DNM1: variants seen among roughly 807,000 people sequenced by gnomAD.
DNM1 encodes the protein dynamin-1.
In DNM1, 29 loss-of-function variants were observed where a neutral mutation model predicts 104.6. That is an observed-to-expected ratio of 0.28 (90% CI 0.21 to 0.38). The LOEUF is 0.38. Ranked by LOEUF, DNM1 falls within the 10% of genes least tolerant of loss-of-function variation. The pLI, the probability that DNM1 is intolerant of heterozygous loss-of-function variation, is 1.00. For synonymous variants in DNM1, 445 were observed against 475.8 expected (o/e 0.94, Z 0.84); for missense variants, 640 against 1,189.4 (o/e 0.54, Z 6.79).
intron 11 of DNM1, chr9:128,234,894 G>A (rs991237814): frequency 6.6e-6 from 1 of 152,210 alleles, no homozygotes; most frequent in South Asian, 2.1e-4. Context: ...CGGAGTTCAA[G>A]CGATTCTCCT....
At chr9:128,215,917 C>T (rs2131137739) in intron 1 of DNM1, among the ~76,000 whole-genome samples, 1 of 143,066 alleles carries the variant, frequency 7.0e-6, no homozygotes, top group South Asian at 2.5e-4. Flanking sequence ...TCTATGAGAA[C>T]AGCTGTTCTA....
Position 128,220,742 on chromosome 9 carries a change from C to CGCGCGCGCAT in DNM1, c.849+402_849+403insCGCGCGCATG, listed in dbSNP as rs61020870. 7.3e-6 allele frequency among the ~76,000 whole-genome samples: 1 copy of CGCGCGCGCAT among 136,278 alleles called. No homozygotes were observed. The highest frequency in any genetic ancestry group is 2.6e-4 in the East Asian group (1 of 3,838). 89.4% of individuals were successfully genotyped at this position (136,278 alleles called of 152,430 possible). On this transcript the variant is annotated intron_variant, in intron 6 of 21. Coordinates refer to ENST00000372923, the MANE Select transcript of DNM1 (RefSeq NM_004408.4). This position sits in a 1 kb window ranked among gnomAD's most constrained non-coding sequence, Gnocchi z 5.2. ...CAGAACTGAAGTGCGCGCGCGCGCGCGTGTGTGTGTGTGTGTGTGTGTGTG... is the reference window on the plus strand; with the variant it reads ...CAGAACTGAAGTGCGCGCGCGCGCGCGCGCGCGCATGTGTGTGTGTGTGTGTGTGTGTGTG...
rs1367076023 is a variant in DNM1 at position 128,240,304 on chromosome 9, G to C, written c.1557+308G>C. 1 of 391,886 alleles carries C rather than the reference G, an allele frequency of 2.6e-6. No homozygotes were observed. The highest frequency in any genetic ancestry group is 4.6e-6 in the Non-Finnish European group (1 of 215,792). The allele number at this position is 391,886 out of a possible 1,614,324, so 24.3% of individuals were successfully genotyped here. On this transcript the variant is annotated intron_variant, in intron 14 of 21. Coordinates refer to ENST00000372923, the MANE Select transcript of DNM1 (RefSeq NM_004408.4). The surrounding 1 kb of genome is among the most constrained non-coding windows in gnomAD (Gnocchi z 5.1). ...ATCTGCTGGATGGAGGGATGCACGT[G>C]AGCAAGACACATTTTTAAGAAGCTG...
intron 14 of DNM1, among the ~76,000 whole-genome samples, chr9:128,241,209 T>A (rs1836344662): frequency 6.6e-6 from 1 of 152,024 alleles, no homozygotes; most frequent in African/African-American, 2.4e-5. Flanking sequence ...CCTCCTTGGG[T>A]CTTCTCTGGA....
rs751662330 is a variant in DNM1 at position 128,254,744 on chromosome 9, C to G, written c.*30C>G. On this transcript the variant is annotated 3_prime_UTR_variant, in exon 22 of 22. Coordinates refer to ENST00000372923, the MANE Select transcript of DNM1 (RefSeq NM_004408.4). The surrounding 1 kb of genome is among the most constrained non-coding windows in gnomAD (Gnocchi z 6.1). ...ATCCCTCCTCTTCTCGGAGACCTCC[C>G]TTTCCAAGCCTGCCTGGACGGCTGT... The G allele has an allele frequency of 3.8e-6, 6 of 1,585,686 alleles. No individual in the cohort carries two copies. In the Admixed American group the frequency reaches 1.0e-4, roughly 26 times the overall value.
At position 128,220,993 on chromosome 9, in the gene DNM1, C is replaced by CCTTCCTTCCTTCCTTCCTTCCTT. The variant is rs1834975560; in HGVS notation, c.849+653_849+654insTTCCTTCCTTCCTTCCTTCCTTC. 7.1e-5 allele frequency: 9 copies of CCTTCCTTCCTTCCTTCCTTCCTT among 126,082 alleles called. No homozygotes were observed. The highest frequency in any genetic ancestry group is 2.6e-4 in the African/African-American group (8 of 30,300). The allele number at this position is 126,082 out of a possible 1,614,324, so 7.8% of individuals were successfully genotyped here. On this transcript the variant is annotated intron_variant, in intron 6 of 21. Coordinates refer to ENST00000372923, the MANE Select transcript of DNM1 (RefSeq NM_004408.4). The surrounding 1 kb of genome is among the most constrained non-coding windows in gnomAD (Gnocchi z 5.2). ...TTTCTTTCTCTTTCTTTCTTTCTTT[C>CCTTCCTTCCTTCCTTCCTTCCTT]CCTTCCTTCCTTCCTTCCTTCCTTT...
chr9:128,225,047 A>G (rs1835258892), intron 10 of DNM1, among the ~76,000 whole-genome samples: 1 of 152,158 alleles, frequency 6.6e-6, no homozygotes, highest in Admixed American at 6.5e-5. Flanking sequence ...GCAGGGAGGC[A>G]GGACAGGGAG....
At chr9:128,250,644 C>T in intron 20 of DNM1, 81 bp from the exon 21 acceptor site, 2 of 1,231,966 alleles carry the variant, frequency 1.6e-6, no homozygotes. Context: ...GCGTGGCCAG[C>T]ACTGGGCTGG....
At chr9:128,252,505 G>A (rs1212611126) in intron 21 of DNM1, 3 of 397,944 alleles carry the variant, frequency 7.5e-6, no homozygotes, top group African/African-American at 2.1e-5. Context: ...TGTGGGCAGA[G>A]GTGTAGTGTG....
chr9:128,208,202 G>A (rs576604959), intron 1 of DNM1, among the ~76,000 whole-genome samples: 2 of 152,206 alleles, frequency 1.3e-5, no homozygotes, highest in East Asian at 3.9e-4. Flanking sequence ...TGGGATTACA[G>A]GCATGTACCA....
In DNM1 at chr9:128,253,238, C is replaced by T. The variant is rs1264822796; in HGVS notation, c.2535-1416C>T. On this transcript the variant is annotated intron_variant, in intron 21 of 21. Coordinates refer to ENST00000372923, the MANE Select transcript of DNM1 (RefSeq NM_004408.4). The surrounding 1 kb of genome is among the most constrained non-coding windows in gnomAD (Gnocchi z 5.9). ...CCTGGGACCTCAGAGCCAGGCTCCC[C>T]GCCCCTCCCTTCTGCAGCTGCAGAC... The T allele has an allele frequency of 3.2e-5, 36 of 1,119,774 alleles. No homozygotes were observed. Among genetic ancestry groups the T allele is most frequent in the South Asian group, 6.4e-5 (5 of 77,542 alleles). The allele number at this position is 1,119,774 out of a possible 1,614,324, so 69.4% of individuals were successfully genotyped here.
chr9:128,220,441 A>G lies in DNM1; in HGVS notation c.849+100A>G, dbSNP rs529943372. The G allele has an allele frequency of 2.0e-5, 29 of 1,436,530 alleles. 1 individual carries two copies. In the South Asian group the frequency reaches 3.5e-4, roughly 17 times the overall value. The allele number at this position is 1,436,530 out of a possible 1,614,324, so 89.0% of individuals were successfully genotyped here. A position where few individuals can be genotyped will look rare whatever the true frequency, so the allele number is the denominator to read the frequency against. On this transcript the variant is annotated intron_variant, in intron 6 of 21. Coordinates refer to ENST00000372923, the MANE Select transcript of DNM1 (RefSeq NM_004408.4). This position sits in a 1 kb window ranked among gnomAD's most constrained non-coding sequence, Gnocchi z 5.2. ...GAACAGCAGAGGTTAGCCTCTCCGT[A>G]GTGCAGATAGACAAACTGAGCCTCA...
chr9:128,215,808 C>T lies in DNM1; in HGVS notation c.162-2423C>T, dbSNP rs528295242. Reference sequence around the variant, plus strand: ...TGGGGAGTCCCATCCTTTCCAGCCCCTCCTGCAGTTTCCATGGCAACTACT... The same window carrying T: ...TGGGGAGTCCCATCCTTTCCAGCCCTTCCTGCAGTTTCCATGGCAACTACT... On this transcript the variant is annotated intron_variant, in intron 1 of 21. Transcript: ENST00000372923. Among the ~76,000 whole-genome samples, 9 of 152,288 alleles carry T rather than the reference C, an allele frequency of 5.9e-5. No homozygotes were observed. The South Asian group carries it at 1.9e-3, about 32-fold the overall frequency.
rs759799811 is a variant in DNM1 at position 128,226,075 on chromosome 9, G to A, written c.1335+1686G>A. On this transcript the variant is annotated intron_variant, in intron 10 of 21. Transcript: ENST00000372923. ...ACCTGACCTCGCTTTTGAAGCCACA[G>A]TGAAAAAGCAGGTGCAGAAGCTCAA... 7 of 1,612,654 alleles carry A rather than the reference G, an allele frequency of 4.3e-6. No homozygotes were observed. In the Admixed American group the frequency reaches 8.3e-5, roughly 19 times the overall value.
intron 1 of DNM1, among the ~76,000 whole-genome samples, chr9:128,215,309 A>G (rs1834538167): frequency 6.6e-6 from 1 of 152,254 alleles, no homozygotes; most frequent in African/African-American, 2.4e-5. Context: ...CTGAGGATCC[A>G]TTTAAAACCC....
chr9:128,216,235 C>A (rs1834597918), intron 1 of DNM1, among the ~76,000 whole-genome samples: 1 of 152,170 alleles, frequency 6.6e-6, no homozygotes, highest in Non-Finnish European at 1.5e-5. Context: ...CATAAAAAGC[C>A]AAGTCTGGCT....
chr9:128,223,384 G>T, intron 9 of DNM1: 1 of 155,626 alleles, frequency 6.4e-6, no homozygotes, highest in East Asian at 1.9e-4. Flanking sequence ...TTCCTTAAAA[G>T]CTTAGATCCC....
At chr9:128,219,447 T>C (rs1446423034) in intron 4 of DNM1, among the ~76,000 whole-genome samples, 195 bp downstream of exon 4, 1 of 152,046 alleles carries the variant, frequency 6.6e-6, no homozygotes, top group Non-Finnish European at 1.5e-5. Context: ...GCCGGGAGGA[T>C]TGCTTGAGCC....
intron 21 of DNM1, chr9:128,251,262 C>T: frequency 1.9e-6 from 1 of 529,418 alleles, no homozygotes. Flanking sequence ...TTGCATTCCT[C>T]CTCCTTTCTT....
Sources: allele counts gnomAD v4.1 joint callset (sites outside exome capture counted in the v4.1 genomes callset), GRCh38; gene constraint gnomAD v4.1.1; non-coding constraint Gnocchi (gnomAD v3.1); transcripts MANE v1.5; gene names NCBI Gene and HGNC (gene_info 2026-07-23, HGNC 2026-07-21).